ESR1: variants seen among roughly 807,000 people sequenced by gnomAD.
ESR1 encodes the protein estrogen receptor 1.
ESR1 carries 12 observed loss-of-function variants against 52.7 expected under a neutral mutation model. The observed-to-expected ratio is 0.23, with a 90% CI of 0.15 to 0.37. ESR1 has a LOEUF of 0.37. Ranked by LOEUF, ESR1 falls within the 10% of genes least tolerant of loss-of-function variation. The probability of loss-of-function intolerance (pLI) is 1.00; values close to 1 mark genes in which losing one functional copy is unlikely to be tolerated. For synonymous variants in ESR1, 305 were observed against 316.8 expected (o/e 0.96, Z 0.39); for missense variants, 584 against 779.7 (o/e 0.75, Z 2.99).
At chr6:151,955,849 AT>A (rs1009341950) in intron 4 of ESR1, among the ~76,000 whole-genome samples, 23 of 151,242 alleles carry the variant, frequency 1.5e-4, no homozygotes, top group African/African-American at 4.9e-4. Flanking sequence ...ACCCAACAGT[AT>A]TTTTTTTTCC....
At chr6:151,764,094 C>T (rs1226687253) in intron 2 of ESR1, among the ~76,000 whole-genome samples, 1 of 151,986 alleles carries the variant, frequency 6.6e-6, no homozygotes, top group Non-Finnish European at 1.5e-5. Flanking sequence ...TGTCAACAGG[C>T]GAGATTGGCA....
rs531664349 is a variant in ESR1 at position 151,659,621 on chromosome 6, T to C, written n.73+2858T>C. Among the ~76,000 whole-genome samples, 10 of 152,318 alleles carry C rather than the reference T, an allele frequency of 6.6e-5. 1 individual carries two copies. The South Asian group carries it at 2.1e-3, about 32-fold the overall frequency. ...GAAAGAAGGTTCCACTCCCTCACTGTGGGTACCGTCTGGGAATTAGACCCT... is the reference window on the plus strand; with the variant it reads ...GAAAGAAGGTTCCACTCCCTCACTGCGGGTACCGTCTGGGAATTAGACCCT... On this transcript the variant is annotated intron_variant and non_coding_transcript_variant, in intron 1 of 2. Transcript: ENST00000473497.
At chr6:151,941,894 A>G (rs1448183858) in intron 3 of ESR1, among the ~76,000 whole-genome samples, 1 of 152,168 alleles carries the variant, frequency 6.6e-6, no homozygotes, top group Non-Finnish European at 1.5e-5. Context: ...AGAACAACCC[A>G]TCTACGGGAG....
intron 3 of ESR1, among the ~76,000 whole-genome samples, chr6:151,892,066 A>G (rs1794776690): frequency 6.6e-6 from 1 of 152,178 alleles, no homozygotes; most frequent in Non-Finnish European, 1.5e-5. Context: ...TAAAAACATC[A>G]TTTTGTCAAA....
chr6:151,684,991 T>C (rs796988608), intron 1 of ESR1, among the ~76,000 whole-genome samples: 18 of 152,322 alleles, frequency 1.2e-4, no homozygotes, highest in African/African-American at 3.8e-4. Context: ...AGATTTTTCT[T>C]CTGTAAAGCC....
intron 1 of ESR1, among the ~76,000 whole-genome samples, chr6:151,694,035 T>C (rs1779142767): frequency 6.6e-6 from 1 of 152,108 alleles, no homozygotes; most frequent in South Asian, 2.1e-4. Flanking sequence ...GCACCTAAGG[T>C]TGGGGCAGCT....
At position 151,851,824 on chromosome 6, in the gene ESR1, G is replaced by A. The variant is rs887405898; in HGVS notation, c.643+9037G>A. ...ATTACAGGCGTGAGCCGCCGCACCC[G>A]GCTGATGAAAGAGTCTTTAATGCAG... On this transcript the variant is annotated intron_variant, in intron 2 of 7. Coordinates refer to ENST00000206249, the MANE Select transcript of ESR1 (RefSeq NM_000125.4). 3.3e-5 allele frequency among the ~76,000 whole-genome samples: 5 copies of A among 152,242 alleles called. No homozygotes were observed. In the South Asian group the frequency reaches 6.2e-4, roughly 19 times the overall value.
chr6:151,756,581 ACTT>A (rs1303846270), intron 2 of ESR1, among the ~76,000 whole-genome samples: 1 of 152,142 alleles, frequency 6.6e-6, no homozygotes, highest in Non-Finnish European at 1.5e-5. Context: ...ATGAGGGTAG[ACTT>A]CTTTGTTTTG....
intron 5 of ESR1, among the ~76,000 whole-genome samples, chr6:152,016,325 T>A (rs1453636888): frequency 2.0e-5 from 3 of 152,158 alleles, no homozygotes; most frequent in Non-Finnish European, 4.4e-5. Context: ...TGATGAGGAA[T>A]GTGTATAAAT....
intron 3 of ESR1, among the ~76,000 whole-genome samples, chr6:151,884,334 T>G (rs1210916404): frequency 6.6e-6 from 1 of 152,210 alleles, no homozygotes; most frequent in Non-Finnish European, 1.5e-5. Flanking sequence ...CAACTGGAAG[T>G]ACAATGATAA....
intron 5 of ESR1, among the ~76,000 whole-genome samples, chr6:152,043,582 G>A (rs575464482): frequency 3.3e-5 from 5 of 152,294 alleles, no homozygotes; most frequent in South Asian, 2.1e-4. Context: ...AATCAACATC[G>A]TCTTTCCTGG....
chr6:151,889,239 T>C (rs1442123515), intron 3 of ESR1, among the ~76,000 whole-genome samples: 2 of 152,178 alleles, frequency 1.3e-5, no homozygotes, highest in Non-Finnish European at 2.9e-5. Flanking sequence ...TGAGGATTGG[T>C]ATTAGTTCTT....
At chr6:151,933,733 A>G (rs1386536117) in intron 3 of ESR1, among the ~76,000 whole-genome samples, 1 of 152,110 alleles carries the variant, frequency 6.6e-6, no homozygotes, top group Admixed American at 6.6e-5. Flanking sequence ...TTGTCTTTGT[A>G]GAGCCCTCAA....
intron 1 of ESR1, chr6:151,809,232 C>A (rs1940558495): frequency 2.2e-6 from 1 of 449,446 alleles, no homozygotes; most frequent in Admixed American, 2.4e-5. Context: ...CGCGGCCGGT[C>A]CAGGACACAG....
rs2048364137 is a variant in ESR1 at position 152,071,704 on chromosome 6, AT to A, written c.1369+10584del. Among the ~76,000 whole-genome samples the A allele has an allele frequency of 2.6e-5, 4 of 152,332 alleles. No homozygotes were observed. In the South Asian group the frequency reaches 8.3e-4, roughly 32 times the overall value. The stretch of plus-strand genomic sequence containing the variant: ...TACATGTACTTTCTTTAAAAATAAG[AT>A]TTTAAATAACTATATAATCAGTCAT... On this transcript the variant is annotated intron_variant, in intron 6 of 7. Coordinates refer to ENST00000206249, the MANE Select transcript of ESR1 (RefSeq NM_000125.4).
intron 6 of ESR1, among the ~76,000 whole-genome samples, chr6:152,068,130 G>A (rs1278540836): frequency 6.6e-6 from 1 of 152,218 alleles, no homozygotes; most frequent in Non-Finnish European, 1.5e-5. Context: ...TGACATGAGA[G>A]GCTACCAAGG....
intron 3 of ESR1, among the ~76,000 whole-genome samples, chr6:151,894,880 G>C (rs1795235799): frequency 2.0e-5 from 3 of 151,840 alleles, no homozygotes; most frequent in Non-Finnish European, 4.4e-5. Context: ...GCTCTTTTTT[G>C]GTTCCATATT....
At chr6:151,943,868 A>C (rs1157801926) in intron 3 of ESR1, among the ~76,000 whole-genome samples, 1 of 152,270 alleles carries the variant, frequency 6.6e-6, no homozygotes, top group East Asian at 1.9e-4. Flanking sequence ...CCTACTGTTC[A>C]ATTTTCAGGA....
chr6:151,787,622 T>C (rs1787148517), intron 2 of ESR1, among the ~76,000 whole-genome samples: 1 of 152,156 alleles, frequency 6.6e-6, no homozygotes, highest in Non-Finnish European at 1.5e-5. Context: ...AATGGGATTG[T>C]GTTCCTGATT....
Sources: allele counts gnomAD v4.1 joint callset (sites outside exome capture counted in the v4.1 genomes callset), GRCh38; gene constraint gnomAD v4.1.1; transcripts MANE v1.5; gene names NCBI Gene and HGNC (gene_info 2026-07-23, HGNC 2026-07-21).